Variants in AKAP6 observed in about 807,000 individuals in gnomAD.
The protein encoded by AKAP6 is A-kinase anchoring protein 6, also known as A-kinase anchor protein 6.
AKAP6 carries 58 observed loss-of-function variants against 188.5 expected under a neutral mutation model. The observed-to-expected ratio is 0.31, with a 90% CI of 0.25 to 0.38. AKAP6 has a LOEUF of 0.38. Ranked by LOEUF, AKAP6 falls within the 10% of genes least tolerant of loss-of-function variation. The pLI is 1.00. For synonymous variants in AKAP6, 989 were observed against 998.6 expected (o/e 0.99, Z 0.18); for missense variants, 2,710 against 2,740.0 (o/e 0.99, Z 0.24).
At chr14:32,580,238 A>G (rs1884902932) in intron 5 of AKAP6, among the ~76,000 whole-genome samples, 1 of 152,082 alleles carries the variant, frequency 6.6e-6, no homozygotes, top group Non-Finnish European at 1.5e-5. Flanking sequence ...TGATACATCA[A>G]TGATTTTCCA....
At chr14:32,529,638 G>T (rs1230583139) in intron 2 of AKAP6, among the ~76,000 whole-genome samples, 1 of 152,132 alleles carries the variant, frequency 6.6e-6, no homozygotes, top group Non-Finnish European at 1.5e-5. Flanking sequence ...AGTTGAGAAA[G>T]TTCCCCTGTA....
intron 13 of AKAP6, among the ~76,000 whole-genome samples, chr14:32,825,896 A>G (rs951221754): frequency 2.6e-5 from 4 of 152,174 alleles, no homozygotes; most frequent in Non-Finnish European, 4.4e-5. Context: ...TATGCTAAAG[A>G]TTATCTTTTT....
intron 2 of AKAP6, among the ~76,000 whole-genome samples, chr14:32,462,141 G>C (rs940828812): frequency 1.3e-5 from 2 of 152,132 alleles, no homozygotes; most frequent in African/African-American, 4.8e-5. Context: ...ATGGAACCAA[G>C]TTGGAAAACA....
chr14:32,605,110 T>C (rs529128677), intron 7 of AKAP6, among the ~76,000 whole-genome samples: 4 of 150,644 alleles, frequency 2.7e-5, no homozygotes, highest in African/African-American at 9.8e-5. Flanking sequence ...TTGCTGAGGA[T>C]AATGGACAAG....
chr14:32,489,021 T>G (rs926540289), intron 2 of AKAP6, among the ~76,000 whole-genome samples: 2 of 152,266 alleles, frequency 1.3e-5, no homozygotes, highest in South Asian at 4.1e-4. Context: ...TAAAATTTTG[T>G]AATCAGCTTG....
At chr14:32,527,887 A>G (rs1882211576) in intron 2 of AKAP6, among the ~76,000 whole-genome samples, 1 of 152,216 alleles carries the variant, frequency 6.6e-6, no homozygotes, top group Admixed American at 6.5e-5. Flanking sequence ...ATTTTCTCCC[A>G]GTCTGTGGCT....
chr14:32,644,207 A>G (rs1887885755), intron 7 of AKAP6, among the ~76,000 whole-genome samples: 1 of 152,198 alleles, frequency 6.6e-6, no homozygotes, highest in Non-Finnish European at 1.5e-5. Flanking sequence ...TGCAATGTCC[A>G]CACAGAGCTT....
intron 7 of AKAP6, among the ~76,000 whole-genome samples, chr14:32,666,468 A>G (rs1416352889): frequency 6.6e-6 from 1 of 152,056 alleles, no homozygotes; most frequent in Non-Finnish European, 1.5e-5. Context: ...TGTTTCCAGG[A>G]CAATTCTTTT....
At chr14:32,827,720 G>A (rs1346042513) in intron 13 of AKAP6, among the ~76,000 whole-genome samples, 1 of 152,202 alleles carries the variant, frequency 6.6e-6, no homozygotes, top group African/African-American at 2.4e-5. Flanking sequence ...CATAATGTAT[G>A]TCTGGAGTGC....
rs1244493717 is a variant in AKAP6, at chr14:32,831,434, A to G, written c.*1629A>G. 6.6e-6 allele frequency: 1 copy of G among 152,260 alleles called. No individual in the cohort carries two copies. Among genetic ancestry groups the G allele is most frequent in the Non-Finnish European group, 1.5e-5 (1 of 68,044 alleles). The allele number at this position is 152,260 out of a possible 1,614,324, so 9.4% of individuals were successfully genotyped here. On this transcript the variant is annotated 3_prime_UTR_variant, in exon 14 of 14. Coordinates refer to ENST00000280979, the MANE Select transcript of AKAP6 (RefSeq NM_004274.5). ...CAACTAGAAAGAGGTACAATGCAAT[A>G]TAAAGTCACAATAGATAATATATAT...
At chr14:32,565,076 C>A (rs2139220676) in intron 4 of AKAP6, among the ~76,000 whole-genome samples, 1 of 152,238 alleles carries the variant, frequency 6.6e-6, no homozygotes, top group Non-Finnish European at 1.5e-5. Context: ...ATGTAGATGA[C>A]ACAGGTGGAT....
chr14:32,813,311 T>C (rs534108351), intron 12 of AKAP6, among the ~76,000 whole-genome samples: 33 of 151,838 alleles, frequency 2.2e-4, no homozygotes, highest in Admixed American at 2.0e-4. Flanking sequence ...ACCTAGCATC[T>C]CCAGGTGTTC....
chr14:32,564,394 GA>G (rs1316586721), intron 4 of AKAP6, among the ~76,000 whole-genome samples: 1 of 152,148 alleles, frequency 6.6e-6, no homozygotes, highest in African/African-American at 2.4e-5. Context: ...ATTAAGGGAT[GA>G]AAAAGGAAGG....
At chr14:32,797,658 T>C (rs1171064884) in intron 12 of AKAP6, among the ~76,000 whole-genome samples, 1 of 152,028 alleles carries the variant, frequency 6.6e-6, no homozygotes, top group Non-Finnish European at 1.5e-5. Flanking sequence ...TCAGGATGAA[T>C]AGCTAATGAT....
At chr14:32,640,101 T>C (rs1887688342) in intron 7 of AKAP6, among the ~76,000 whole-genome samples, 1 of 143,594 alleles carries the variant, frequency 7.0e-6, no homozygotes, top group South Asian at 2.5e-4. Context: ...CAAAAAATAA[T>C]ATTCTTCATT....
intron 2 of AKAP6, among the ~76,000 whole-genome samples, chr14:32,509,873 T>C (rs1881087038): frequency 6.6e-6 from 1 of 152,188 alleles, no homozygotes; most frequent in Non-Finnish European, 1.5e-5. Context: ...TTGGTGTCTA[T>C]TTACGTTTGC....
chr14:32,786,296 A>ATGTTTTTTTTTTTTTGTTTTT, intron 12 of AKAP6, among the ~76,000 whole-genome samples: 10 of 93,714 alleles, frequency 1.1e-4, no homozygotes, highest in Non-Finnish European at 1.4e-4. Context: ...CTAAACCTTT[A>ATGTTTTTTTTTTTTTGTTTTT]TCTTTTTTTT....
At chr14:32,722,190 G>T (rs747188124) in intron 9 of AKAP6, among the ~76,000 whole-genome samples, 1 of 152,006 alleles carries the variant, frequency 6.6e-6, no homozygotes, top group African/African-American at 2.4e-5. Context: ...TTGACCCTTG[G>T]GGAAGTATTG....
chr14:32,487,238 T>G (rs1879750170), intron 2 of AKAP6, among the ~76,000 whole-genome samples: 1 of 152,244 alleles, frequency 6.6e-6, no homozygotes, highest in South Asian at 2.1e-4. Flanking sequence ...ATTGAAGATT[T>G]TCACATCAAT....
Sources: gnomAD v4.1 joint callset for allele counts (sites outside exome capture counted in the v4.1 genomes callset) on GRCh38, gnomAD v4.1.1 for gene constraint, MANE v1.5 for transcripts, NCBI Gene and HGNC (gene_info 2026-07-23, HGNC 2026-07-21) for gene names.